TSHZ2: variants seen among roughly 807,000 people sequenced by gnomAD.
The protein encoded by TSHZ2 is teashirt zinc finger homeobox 2.
Under a neutral mutation model 74.4 loss-of-function variants are expected in TSHZ2, and 21 were observed. That is an observed-to-expected ratio of 0.28 (90% confidence interval 0.20 to 0.41). The LOEUF is 0.41. Among genes scored for constraint, TSHZ2 ranks in the 10% least tolerant of loss-of-function variants. TSHZ2 has a pLI of 1.00. For missense variants in TSHZ2, 1,244 were observed against 1,293.5 expected, an observed-to-expected ratio of 0.96 and a Z score of 0.59; for synonymous variants, 540 against 515.3, an observed-to-expected ratio of 1.05 and a Z score of -0.65.
At chr20:53,310,218 A>G (rs1237793062) in intron 2 of TSHZ2, among the ~76,000 whole-genome samples, 1 of 152,236 alleles carries the variant, frequency 6.6e-6, no homozygotes, top group Non-Finnish European at 1.5e-5. Context: ...CAGAAGTTGT[A>G]TGGTCAGTGG....
Position 53,314,722 on chromosome 20 carries a change from A to G in TSHZ2, c.*8+58151A>G, listed in dbSNP as rs138166042. 2.8e-3 allele frequency among the ~76,000 whole-genome samples: 418 copies of G among 151,212 alleles called. 14 individuals carry two copies. The highest frequency in any genetic ancestry group is 0.023 in the Admixed American group (350 of 15,182). ...TTGCCACCTTCCCCTCCCGGGTTCA[A>G]GTTATTCTCCTGCCTCAGCCTCTCA... On this transcript the variant is annotated intron_variant, in intron 2 of 2. Transcript: ENST00000371497.
At chr20:53,450,900 T>G (rs916414286) in intron 2 of TSHZ2, among the ~76,000 whole-genome samples, 1 of 117,708 alleles carries the variant, frequency 8.5e-6, no homozygotes, top group Non-Finnish European at 1.6e-5. Flanking sequence ...GCTTTAAGGA[T>G]TTATTTAGTT....
chr20:53,479,083 T>G (rs140309005), intron 2 of TSHZ2, among the ~76,000 whole-genome samples: 68 of 151,760 alleles, frequency 4.5e-4, no homozygotes, highest in African/African-American at 1.6e-3. Context: ...GAGAATCACT[T>G]GAACCCAGGA....
intron 1 of TSHZ2, among the ~76,000 whole-genome samples, chr20:53,247,537 T>C (rs1357035006): frequency 6.6e-6 from 1 of 152,188 alleles, no homozygotes; most frequent in Non-Finnish European, 1.5e-5. Flanking sequence ...TTAGTGCCAA[T>C]AATAACATAC....
intron 2 of TSHZ2, among the ~76,000 whole-genome samples, chr20:53,321,115 G>A (rs1475144884): frequency 6.6e-6 from 1 of 151,954 alleles, no homozygotes; most frequent in African/African-American, 2.4e-5. Context: ...ATCACTCTAG[G>A]GCGCAACAGG....
chr20:53,126,862 G>A (rs1418405810), intron 1 of TSHZ2, among the ~76,000 whole-genome samples: 1 of 152,188 alleles, frequency 6.6e-6, no homozygotes, highest in African/African-American at 2.4e-5. Context: ...TGAAATCTGA[G>A]CAATCCATCA....
intron 1 of TSHZ2, among the ~76,000 whole-genome samples, chr20:53,092,989 G>T (rs566426381): frequency 6.6e-6 from 1 of 152,132 alleles, no homozygotes; most frequent in Non-Finnish European, 1.5e-5. Flanking sequence ...GCGGTGAGCC[G>T]GATATGGCCC....
chr20:53,228,176 CAG>C, intron 1 of TSHZ2, among the ~76,000 whole-genome samples: 1 of 151,364 alleles, frequency 6.6e-6, no homozygotes, highest in Non-Finnish European at 1.5e-5. Flanking sequence ...GGATGTGAAA[CAG>C]AAACCCTGGT....
chr20:53,336,724 G>A (rs573115250), intron 2 of TSHZ2, among the ~76,000 whole-genome samples: 14 of 152,152 alleles, frequency 9.2e-5, no homozygotes, highest in Non-Finnish European at 1.9e-4. Flanking sequence ...AGTGTAATCA[G>A]CCAGGACTTT....
rs922867810 is a variant in TSHZ2, at chr20:53,488,662, C to G, written c.*1527C>G. On this transcript the variant is annotated 3_prime_UTR_variant, in exon 3 of 3. Coordinates refer to ENST00000371497, the MANE Select transcript of TSHZ2 (RefSeq NM_173485.6). ...GCACAACACTAGGAACTAGGTGATT[C>G]TGAAACAAAAGGAATATTTTCTGTT... 2.2e-5 allele frequency: 6 copies of G among 269,454 alleles called. No homozygotes were observed. The highest frequency in any genetic ancestry group is 3.6e-5 in the Non-Finnish European group (5 of 139,308). The allele number at this position is 269,454 out of a possible 1,614,324, so 16.7% of individuals were successfully genotyped here.
intron 1 of TSHZ2, among the ~76,000 whole-genome samples, chr20:53,136,162 A>C (rs1468545379): frequency 1.3e-5 from 2 of 152,190 alleles, no homozygotes; most frequent in Admixed American, 1.3e-4. Flanking sequence ...GGTGCCATGC[A>C]CAAGTCTCTC....
At chr20:53,471,411 G>C (rs1985794567) in intron 2 of TSHZ2, among the ~76,000 whole-genome samples, 1 of 152,056 alleles carries the variant, frequency 6.6e-6, no homozygotes, top group South Asian at 2.1e-4. Context: ...CACCTTCCTG[G>C]AGTTTACACA....
chr20:53,347,193 C>T (rs917947958), intron 2 of TSHZ2, among the ~76,000 whole-genome samples: 5 of 152,152 alleles, frequency 3.3e-5, no homozygotes, highest in Admixed American at 1.3e-4. Context: ...GATCATTCTT[C>T]GTTGGGGTGG....
intron 1 of TSHZ2, among the ~76,000 whole-genome samples, chr20:53,091,402 A>G (rs1009921522): frequency 4.6e-5 from 7 of 152,196 alleles, no homozygotes; most frequent in African/African-American, 1.7e-4. Flanking sequence ...TTTTCACTGG[A>G]TGTGGGTTGC....
rs188253811 is a variant in TSHZ2, at chr20:53,101,594, C to T, written c.40+128261C>T. Among the ~76,000 whole-genome samples the T allele has an allele frequency of 9.7e-4, 148 of 152,284 alleles. 3 individuals carry two copies. The highest frequency in any genetic ancestry group is 5.5e-3 in the Admixed American group (84 of 15,302). Reference sequence around the variant, plus strand: ...TCCGACAGTTTGTAGAAACCACAGCCCCCACTCCTCCTGGGTTCTCTAGCA... The same window carrying T: ...TCCGACAGTTTGTAGAAACCACAGCTCCCACTCCTCCTGGGTTCTCTAGCA... On this transcript the variant is annotated intron_variant, in intron 1 of 2. Coordinates refer to ENST00000371497, the MANE Select transcript of TSHZ2 (RefSeq NM_173485.6).
chr20:53,026,491 A>G (rs1277142287), intron 1 of TSHZ2, among the ~76,000 whole-genome samples: 1 of 152,002 alleles, frequency 6.6e-6, no homozygotes, highest in Non-Finnish European at 1.5e-5. Flanking sequence ...AGCTGGGACC[A>G]CAAGCGCACA....
At chr20:53,429,901 G>T (rs1983780873) in intron 2 of TSHZ2, among the ~76,000 whole-genome samples, 1 of 152,060 alleles carries the variant, frequency 6.6e-6, no homozygotes, top group Admixed American at 6.6e-5. Flanking sequence ...TCTCTGGGGT[G>T]GGCAGTCCCA....
chr20:53,057,945 C>T (rs895479892), intron 1 of TSHZ2, among the ~76,000 whole-genome samples: 1 of 152,154 alleles, frequency 6.6e-6, no homozygotes, highest in African/African-American at 2.4e-5. Flanking sequence ...TCGGTGGTCC[C>T]CAACCTTTTG....
At chr20:52,982,023 A>G (rs935221119) in intron 1 of TSHZ2, among the ~76,000 whole-genome samples, 18 of 152,240 alleles carry the variant, frequency 1.2e-4, no homozygotes, top group African/African-American at 4.3e-4. Flanking sequence ...ATTTCAGTAT[A>G]GAAAAAAAGC....
Sources: allele counts gnomAD v4.1 joint callset (sites outside exome capture counted in the v4.1 genomes callset), GRCh38; gene constraint gnomAD v4.1.1; transcripts MANE v1.5; gene names NCBI Gene and HGNC (gene_info 2026-07-23, HGNC 2026-07-21).